The following MARCHF1 variants were observed in gnomAD, a reference collection of about 807,000 sequenced individuals.
MARCHF1 encodes the protein membrane associated ring-CH-type finger 1.
Under a neutral mutation model 54.2 loss-of-function variants are expected in MARCHF1, and 40 were observed. The ratio of observed to expected loss-of-function variants is 0.74; its 90% CI spans 0.57 to 0.96. The LOEUF (loss-of-function observed/expected upper bound fraction) is 0.96. Among genes scored for constraint, MARCHF1 ranks in the 40% least tolerant of loss-of-function variants. MARCHF1 has a pLI of 0.00. For synonymous variants in MARCHF1, 236 were observed against 236.3 expected, an observed-to-expected ratio of 1.00 and a Z score of 0.01; for missense variants, 586 against 656.5, an observed-to-expected ratio of 0.89 and a Z score of 1.17.
chr4:163,971,410 A>G (rs1233118103), intron 3 of MARCHF1, among the ~76,000 whole-genome samples: 1 of 152,222 alleles, frequency 6.6e-6, no homozygotes. Flanking sequence ...TTGCCCATAG[A>G]AAACTAAGGA....
chr4:163,627,374 C>A (rs907722085), intron 5 of MARCHF1, among the ~76,000 whole-genome samples: 11 of 152,158 alleles, frequency 7.2e-5, no homozygotes, highest in Non-Finnish European at 1.5e-4. Flanking sequence ...AATGTCTAAA[C>A]CTTTCTTCGA....
chr4:163,914,846 A>G (rs12498477), intron 3 of MARCHF1, among the ~76,000 whole-genome samples: 82,281 of 151,936 alleles, frequency 0.54, 23,321 homozygotes, highest in Middle Eastern at 0.68. Flanking sequence ...GATTGAATGT[A>G]CACTAGGTAT....
At chr4:164,141,670 A>G (rs1039928392) in intron 1 of MARCHF1, among the ~76,000 whole-genome samples, 3 of 152,238 alleles carry the variant, frequency 2.0e-5, no homozygotes, top group African/African-American at 7.2e-5. Context: ...TAAAAGTACA[A>G]ATTCTTCACA....
At chr4:164,119,251 A>C (rs891345012) in intron 1 of MARCHF1, among the ~76,000 whole-genome samples, 1 of 151,686 alleles carries the variant, frequency 6.6e-6, no homozygotes, top group Non-Finnish European at 1.5e-5. Flanking sequence ...TTTCTTTTGT[A>C]CAATTCTAGA....
intron 1 of MARCHF1, among the ~76,000 whole-genome samples, chr4:164,213,305 C>A (rs987927645): frequency 6.6e-6 from 1 of 151,350 alleles, no homozygotes; most frequent in Non-Finnish European, 1.5e-5. Context: ...GCAAGCTCTG[C>A]TCACTGAAAG....
At chr4:164,190,562 A>T (rs1263943881) in intron 1 of MARCHF1, among the ~76,000 whole-genome samples, 2 of 149,666 alleles carry the variant, frequency 1.3e-5, no homozygotes. Context: ...TGGGTAAAAA[A>T]CCTGGGTTAG....
At chr4:163,862,129 G>A (rs977809918) in intron 3 of MARCHF1, among the ~76,000 whole-genome samples, 1 of 152,020 alleles carries the variant, frequency 6.6e-6, no homozygotes, top group African/African-American at 2.4e-5. Flanking sequence ...AACAGAAAAT[G>A]TGGGTGACCT....
intron 1 of MARCHF1, among the ~76,000 whole-genome samples, chr4:164,342,832 T>C (rs1428251273): frequency 6.6e-6 from 1 of 152,098 alleles, no homozygotes; most frequent in Non-Finnish European, 1.5e-5. Context: ...AATGTTGCAA[T>C]GTGTGACAAC....
chr4:163,580,412 G>A (rs183553194), intron 8 of MARCHF1, among the ~76,000 whole-genome samples: 1 of 152,114 alleles, frequency 6.6e-6, no homozygotes, highest in Admixed American at 6.5e-5. Context: ...TAACTCTTTT[G>A]GTGTTGATGT....
intron 5 of MARCHF1, among the ~76,000 whole-genome samples, chr4:163,635,664 T>TA (rs1328309031): frequency 6.7e-6 from 1 of 150,174 alleles, no homozygotes; most frequent in Non-Finnish European, 1.5e-5. Context: ...CTACCAGAGG[T>TA]ACAAGGAGGA....
intron 4 of MARCHF1, among the ~76,000 whole-genome samples, chr4:163,701,163 C>T (rs568659858): frequency 5.3e-5 from 8 of 152,246 alleles, no homozygotes; most frequent in African/African-American, 1.9e-4. Flanking sequence ...AATTCTTCGG[C>T]ACTAAAATTA....
At chr4:164,266,239 G>T (rs1014653052) in intron 1 of MARCHF1, among the ~76,000 whole-genome samples, 1 of 152,194 alleles carries the variant, frequency 6.6e-6, no homozygotes, top group Non-Finnish European at 1.5e-5. Context: ...TACAGGTCTT[G>T]ATAGGTCTCT....
chr4:164,290,287 T>G (rs939788289), intron 1 of MARCHF1, among the ~76,000 whole-genome samples: 1 of 151,988 alleles, frequency 6.6e-6, no homozygotes, highest in Admixed American at 6.6e-5. Context: ...CATAATTATA[T>G]TAAAAAATCA....
At chr4:164,276,947 T>TATATATAG (rs1392528920) in intron 1 of MARCHF1, among the ~76,000 whole-genome samples, 5 of 118,794 alleles carry the variant, frequency 4.2e-5, no homozygotes, top group South Asian at 3.5e-4. Flanking sequence ...TATATATATA[T>TATATATAG]AGAGAGAGAG....
chr4:163,893,359 G>A (rs543863627), intron 3 of MARCHF1, among the ~76,000 whole-genome samples: 101 of 152,162 alleles, frequency 6.6e-4, no homozygotes, highest in African/African-American at 2.4e-3. Context: ...GAAGGGTCTC[G>A]AACTCCTGAC....
At chr4:163,580,816 GA>G (rs1294936212) in intron 8 of MARCHF1, among the ~76,000 whole-genome samples, 3 of 43,878 alleles carry the variant, frequency 6.8e-5, no homozygotes, top group Non-Finnish European at 9.3e-5. Flanking sequence ...TTTTTTTTGA[GA>G]CGGAGTCTCG....
At chr4:164,237,239 C>T (rs1025592103) in intron 1 of MARCHF1, among the ~76,000 whole-genome samples, 1 of 152,126 alleles carries the variant, frequency 6.6e-6, no homozygotes, top group Non-Finnish European at 1.5e-5. Context: ...ATAGAACACC[C>T]AAGTAAAATT....
chr4:164,308,256 T>C (rs1441005736), intron 1 of MARCHF1, among the ~76,000 whole-genome samples: 1 of 152,214 alleles, frequency 6.6e-6, no homozygotes, highest in Non-Finnish European at 1.5e-5. Flanking sequence ...AAACCTAGCA[T>C]TGAATGTGAG....
chr4:163,783,576 G>T (rs1747530985), intron 4 of MARCHF1, among the ~76,000 whole-genome samples: 1 of 152,166 alleles, frequency 6.6e-6, no homozygotes, highest in Admixed American at 6.5e-5. Context: ...GAGAGCCTGG[G>T]AAATGTTGAT....
Sources: gnomAD v4.1 joint callset for allele counts (sites outside exome capture counted in the v4.1 genomes callset) on GRCh38, gnomAD v4.1.1 for gene constraint, MANE v1.5 for transcripts, NCBI Gene and HGNC (gene_info 2026-07-23, HGNC 2026-07-21) for gene names.